Variants in DGKI observed in about 807,000 individuals in gnomAD.
DGKI encodes the protein diacylglycerol kinase iota.
Under a neutral mutation model 147.5 loss-of-function variants are expected in DGKI, and 55 were observed. That is an observed-to-expected ratio of 0.37 (90% CI 0.30 to 0.47). The LOEUF is 0.47. DGKI is among the 20% of genes least tolerant of loss of function. DGKI has a pLI of 1.00. For synonymous variants in DGKI, 469 were observed against 477.1 expected (o/e 0.98, Z 0.22); for missense variants, 1,007 against 1,323.8 (o/e 0.76, Z 3.71).
intron 19 of DGKI, among the ~76,000 whole-genome samples, chr7:137,569,538 C>A (rs1818712699): frequency 6.6e-6 from 1 of 151,512 alleles, no homozygotes; most frequent in Admixed American, 6.6e-5. Flanking sequence ...ACCATCCTGG[C>A]AAACATGGTG....
chr7:137,712,186 T>C (rs542320853), intron 1 of DGKI, among the ~76,000 whole-genome samples: 13 of 152,288 alleles, frequency 8.5e-5, no homozygotes, highest in Non-Finnish European at 1.8e-4. Context: ...TGCTCAGGAA[T>C]AGATTAAGGA....
At chr7:137,802,274 A>G (rs1194245722) in intron 1 of DGKI, among the ~76,000 whole-genome samples, 8 of 152,180 alleles carry the variant, frequency 5.3e-5, no homozygotes, top group Admixed American at 4.6e-4. Context: ...AAGACTACAC[A>G]TTGTGTACAG....
intron 21 of DGKI, among the ~76,000 whole-genome samples, chr7:137,489,632 G>A (rs1815690055): frequency 6.6e-6 from 1 of 152,154 alleles, no homozygotes; most frequent in African/African-American, 2.4e-5. Flanking sequence ...TTTGAGGAAT[G>A]ATGAGGAAAA....
chr7:137,759,076 G>T (rs1001181567), intron 1 of DGKI, among the ~76,000 whole-genome samples: 2 of 152,082 alleles, frequency 1.3e-5, no homozygotes, highest in African/African-American at 4.8e-5. Flanking sequence ...AGTGAACATT[G>T]TACCCAACAG....
chr7:137,622,934 T>G (rs530208883), intron 7 of DGKI, among the ~76,000 whole-genome samples: 5 of 152,312 alleles, frequency 3.3e-5, no homozygotes, highest in African/African-American at 1.2e-4. Context: ...AGAGCTACAT[T>G]TCAATGAGTG....
intron 1 of DGKI, chr7:137,772,036 A>G (rs1469948859): frequency 1.3e-5 from 2 of 152,180 alleles, no homozygotes; most frequent in Non-Finnish European, 2.9e-5. Context: ...GTCCGTAAAG[A>G]AAGTAGCAAA....
intron 29 of DGKI, among the ~76,000 whole-genome samples, chr7:137,410,345 C>T (rs1812116772): frequency 6.6e-6 from 1 of 152,184 alleles, no homozygotes; most frequent in Non-Finnish European, 1.5e-5. Flanking sequence ...GCGGAGCTTG[C>T]AGTGAGCCGA....
chr7:137,572,153 G>A (rs1818815342), intron 18 of DGKI, among the ~76,000 whole-genome samples: 1 of 152,122 alleles, frequency 6.6e-6, no homozygotes, highest in African/African-American at 2.4e-5. Context: ...CAAATAAATG[G>A]TTATAGATCC....
intron 1 of DGKI, among the ~76,000 whole-genome samples, chr7:137,744,818 A>G (rs189742826): frequency 5.6e-4 from 85 of 152,360 alleles, no homozygotes; most frequent in South Asian, 8.3e-4. Context: ...TAGATGCAGA[A>G]AAAGCATTCA....
At chr7:137,668,525 T>C (rs923850460) in intron 3 of DGKI, among the ~76,000 whole-genome samples, 2 of 152,214 alleles carry the variant, frequency 1.3e-5, no homozygotes, top group African/African-American at 4.8e-5. Context: ...TTGAACTCAT[T>C]CATTCATTCA....
chr7:137,570,169 C>A (rs1157628279), intron 19 of DGKI, among the ~76,000 whole-genome samples: 2 of 152,132 alleles, frequency 1.3e-5, no homozygotes, highest in Non-Finnish European at 2.9e-5. Context: ...CCAAAGGTGA[C>A]AAGCAGAAGC....
At chr7:137,585,080 T>C in intron 14 of DGKI, 129 bp downstream of exon 14, 1 of 1,084,852 alleles carries the variant, frequency 9.2e-7, no homozygotes. Context: ...CCAGTAGCCA[T>C]CAACTCAAAT....
At chr7:137,579,743 C>T (rs1481189058) in intron 15 of DGKI, among the ~76,000 whole-genome samples, 1 of 152,104 alleles carries the variant, frequency 6.6e-6, no homozygotes, top group Non-Finnish European at 1.5e-5. Flanking sequence ...GAAATGTTTA[C>T]AATTCCATTT....
chr7:137,525,245 C>T (rs551549131), intron 20 of DGKI, among the ~76,000 whole-genome samples: 8 of 152,298 alleles, frequency 5.3e-5, no homozygotes, highest in African/African-American at 1.7e-4. Flanking sequence ...ATCCACTTTC[C>T]TACACTTTTG....
chr7:137,419,989 C>T (rs771303962), intron 28 of DGKI, among the ~76,000 whole-genome samples: 3 of 152,312 alleles, frequency 2.0e-5, no homozygotes, highest in Non-Finnish European at 4.4e-5. Flanking sequence ...TTTGGGGCAG[C>T]GTTCTGCAGA....
intron 21 of DGKI, among the ~76,000 whole-genome samples, chr7:137,493,504 G>A (rs996539684): frequency 1.3e-5 from 2 of 152,154 alleles, no homozygotes; most frequent in African/African-American, 4.8e-5. Flanking sequence ...TGAAAGCAGG[G>A]GGCCCAAAAT....
At chr7:137,517,273 A>AAAGG in intron 21 of DGKI, among the ~76,000 whole-genome samples, 1 of 104,398 alleles carries the variant, frequency 9.6e-6, no homozygotes, top group African/African-American at 5.9e-5. Context: ...AGAAAGAAAG[A>AAAGG]AAAGAAAAAG....
chr7:137,439,508 A>T (rs1813411836), intron 28 of DGKI, among the ~76,000 whole-genome samples: 1 of 152,128 alleles, frequency 6.6e-6, no homozygotes, highest in African/African-American at 2.4e-5. Flanking sequence ...ATCTCATGAG[A>T]CTTATTCACT....
chr7:137,389,250 T>C lies in DGKI; in HGVS notation c.*1970A>G, dbSNP rs1811274054. 1 of 152,148 alleles carries C rather than the reference T, an allele frequency of 6.6e-6. No homozygotes were observed. Among genetic ancestry groups the C allele is most frequent in the African/African-American group, 2.4e-5 (1 of 41,434 alleles). 9.4% of individuals were successfully genotyped at this position (152,148 alleles called of 1,614,324 possible). Reference sequence around the variant, plus strand: ...ATCTGCTGCAGTGTCTCCTGTAATATCCAAAGGATAGTTCCATTTCTGAGG... The same window carrying C: ...ATCTGCTGCAGTGTCTCCTGTAATACCCAAAGGATAGTTCCATTTCTGAGG... On this transcript the variant is annotated 3_prime_UTR_variant, in exon 33 of 33. Transcript: ENST00000614521.
Sources: allele counts gnomAD v4.1 joint callset (sites outside exome capture counted in the v4.1 genomes callset), GRCh38; gene constraint gnomAD v4.1.1; transcripts MANE v1.5; gene names NCBI Gene and HGNC (gene_info 2026-07-23, HGNC 2026-07-21).